The following KIF4A variants were observed in gnomAD, a reference collection of about 807,000 sequenced individuals.
KIF4A encodes kinesin family member 4A.
In KIF4A, 7 loss-of-function variants were observed where a neutral mutation model predicts 105.9. The observed-to-expected ratio is 0.07, with a 90% CI of 0.04 to 0.12. The LOEUF is 0.12. KIF4A is among the 10% of genes least tolerant of loss of function. The probability of loss-of-function intolerance (pLI) is 1.00; values close to 1 mark genes in which losing one functional copy is unlikely to be tolerated. For missense variants in KIF4A, 558 were observed against 929.2 expected (o/e 0.60, Z 5.19); for synonymous variants, 281 against 331.3 (o/e 0.85, Z 1.65).
At chrX:70,389,600 G>T (rs1348901382) in intron 20 of KIF4A, among the ~76,000 whole-genome samples, 1 of 112,409 alleles carries the variant, frequency 8.9e-6, no homozygotes, top group African/African-American at 3.2e-5. Context: ...ACCCATGGTC[G>T]CTAAGATTTC....
At chrX:70,293,072 GA>G (rs1475202398) in intron 3 of KIF4A, among the ~76,000 whole-genome samples, 1 of 112,010 alleles carries the variant, frequency 8.9e-6, no homozygotes, top group Non-Finnish European at 1.9e-5. Flanking sequence ...TGGTATTGCA[GA>G]AAATTATGGA....
intron 28 of KIF4A, among the ~76,000 whole-genome samples, chrX:70,410,400 T>C (rs1317315792): frequency 8.9e-6 from 1 of 111,803 alleles, no homozygotes; most frequent in African/African-American, 3.3e-5. Context: ...TCATGTGCTA[T>C]CATAGAAAAA....
chrX:70,355,302 T>G (rs2086046638), intron 15 of KIF4A, among the ~76,000 whole-genome samples: 1 of 111,474 alleles, frequency 9.0e-6, no homozygotes, highest in Admixed American at 9.5e-5. Context: ...ATCTCAGAAG[T>G]CCAGATGAGG....
intron 10 of KIF4A, among the ~76,000 whole-genome samples, chrX:70,338,140 T>C (rs751852412): frequency 5.4e-5 from 6 of 112,062 alleles, no homozygotes; most frequent in Admixed American, 9.4e-5. Flanking sequence ...CCTCTGGATT[T>C]TTTCAGCAGC....
intron 15 of KIF4A, among the ~76,000 whole-genome samples, chrX:70,363,534 G>A (rs1415546304): frequency 4.5e-5 from 5 of 111,094 alleles, no homozygotes; most frequent in African/African-American, 1.6e-4. Flanking sequence ...TGAGAATGAT[G>A]GTTTCCAGCT....
intron 10 of KIF4A, among the ~76,000 whole-genome samples, chrX:70,336,750 A>G (rs907205256): frequency 3.6e-5 from 4 of 111,931 alleles, no homozygotes; most frequent in Non-Finnish European, 7.5e-5. Flanking sequence ...TAAAATATAC[A>G]TAACATAAAA....
Position 70,357,246 on chromosome X carries a change from G to A in KIF4A, c.1674+3439G>A, listed in dbSNP as rs368467209. 4.6e-3 allele frequency among the ~76,000 whole-genome samples: 511 copies of A among 111,472 alleles called. 4 individuals are homozygous for A. The highest frequency in any genetic ancestry group is 0.016 in the African/African-American group (485 of 30,685). On this transcript the variant is annotated intron_variant, in intron 15 of 30. Transcript: ENST00000374403. The stretch of plus-strand genomic sequence containing the variant: ...GGAGAATGGCGTGAACCCAGGAGGC[G>A]GAGCTTGCAGTGAGCCGAGATCACG...
At chrX:70,390,332 T>C (rs1040370525) in intron 20 of KIF4A, among the ~76,000 whole-genome samples, 1 of 111,804 alleles carries the variant, frequency 8.9e-6, no homozygotes, top group African/African-American at 3.2e-5. Context: ...AGTACAATAT[T>C]GAATAGACTA....
chrX:70,392,996 TG>T (rs1366268712), intron 20 of KIF4A, among the ~76,000 whole-genome samples: 2 of 108,539 alleles, frequency 1.8e-5, no homozygotes, highest in African/African-American at 6.7e-5. Context: ...GGATTTATTT[TG>T]GTCTTCTTTT....
chrX:70,301,687 C>T (rs968820979), intron 5 of KIF4A, among the ~76,000 whole-genome samples: 2 of 111,729 alleles, frequency 1.8e-5, no homozygotes, highest in Admixed American at 9.5e-5. Flanking sequence ...TTAGCTGGCA[C>T]GCTTGTTTCT....
intron 15 of KIF4A, among the ~76,000 whole-genome samples, chrX:70,366,506 T>C (rs1213240438): frequency 5.3e-5 from 6 of 112,389 alleles, no homozygotes; most frequent in African/African-American, 1.9e-4. Context: ...TTTTGTTATG[T>C]ACCCAGTAGT....
At chrX:70,334,733 G>T (rs571635605) in intron 10 of KIF4A, among the ~76,000 whole-genome samples, 1 of 111,630 alleles carries the variant, frequency 9.0e-6, no homozygotes, top group South Asian at 3.7e-4. Context: ...TATATTTTAG[G>T]TATGTGAAAC....
chrX:70,371,780 A>G (rs571119279), intron 15 of KIF4A, among the ~76,000 whole-genome samples: 9 of 96,377 alleles, frequency 9.3e-5, no homozygotes, highest in African/African-American at 1.2e-4. Flanking sequence ...GGTGGCTGCC[A>G]GGTGGAGGGG....
intron 15 of KIF4A, among the ~76,000 whole-genome samples, chrX:70,359,240 G>A (rs575164897): frequency 2.8e-4 from 31 of 111,539 alleles, no homozygotes; most frequent in African/African-American, 1.0e-3. Context: ...TCAGGAGGGA[G>A]TAAGTTAAAT....
Position 70,366,891 on chromosome X carries a change from C to T in KIF4A, c.1675-7260C>T, listed in dbSNP as rs1179647630. On this transcript the variant is annotated intron_variant, in intron 15 of 30. Transcript: ENST00000374403. Reference sequence around the variant, plus strand: ...TATTATTGTGTGGGAGTCTAAGTCTCTTTGTAGGTCTCTAAGGACTTACTT... The same window carrying T: ...TATTATTGTGTGGGAGTCTAAGTCTTTTTGTAGGTCTCTAAGGACTTACTT... Among the ~76,000 whole-genome samples the T allele has an allele frequency of 3.6e-5, 4 of 111,747 alleles. No homozygotes were observed. The East Asian group carries it at 8.4e-4, about 23-fold the overall frequency.
rs890783124 is a variant in KIF4A at position 70,343,993 on chromosome X, TA to T, written c.1431+12del. The T allele has an allele frequency of 8.9e-7, 1 of 1,118,081 alleles. No individual in the cohort carries two copies. Among genetic ancestry groups the T allele is most frequent in the African/African-American group, 1.8e-5 (1 of 55,680 alleles). 92.1% of individuals were successfully genotyped at this position (1,118,081 alleles called of 1,213,427 possible). A position where few individuals can be genotyped will look rare whatever the true frequency, so the allele number is the denominator to read the frequency against. On this transcript the variant is annotated intron_variant, in intron 13 of 30. Transcript: ENST00000374403. ...ATTACCCAGTTATCGGTAAGCCAAG[TA>T]GGGGCAGTGTAAATAGGCATATCAC...
At chrX:70,400,321 A>G (rs180901287) in intron 22 of KIF4A, among the ~76,000 whole-genome samples, 7 of 110,531 alleles carry the variant, frequency 6.3e-5, no homozygotes, top group African/African-American at 9.9e-5. Flanking sequence ...ATGATTTCCA[A>G]TTTCATCCAT....
intron 15 of KIF4A, among the ~76,000 whole-genome samples, chrX:70,372,726 C>T (rs2086145311): frequency 8.9e-6 from 1 of 112,693 alleles, no homozygotes; most frequent in Non-Finnish European, 1.9e-5. Flanking sequence ...CAAATGCATG[C>T]AGAACTGCAG....
chrX:70,331,457 A>C (rs2085930132), intron 9 of KIF4A, among the ~76,000 whole-genome samples: 1 of 111,467 alleles, frequency 9.0e-6, no homozygotes, highest in Admixed American at 9.6e-5. Context: ...TATTTACACT[A>C]TACTGTAGTA....
Sources: allele counts gnomAD v4.1 joint callset (sites outside exome capture counted in the v4.1 genomes callset), GRCh38; gene constraint gnomAD v4.1.1; transcripts MANE v1.5; gene names NCBI Gene and HGNC (gene_info 2026-07-23, HGNC 2026-07-21).